The following SCUBE1 variants were observed in gnomAD, a reference collection of about 807,000 sequenced individuals.
SCUBE1 encodes signal peptide, CUB and EGF-like domain-containing protein 1.
A neutral mutation model predicts 124.4 loss-of-function variants in SCUBE1; 59 were observed. That is an observed-to-expected ratio of 0.47 (90% CI 0.38 to 0.59). SCUBE1 has a LOEUF of 0.59. Among genes scored for constraint, SCUBE1 ranks in the 20% least tolerant of loss-of-function variants. The probability of loss-of-function intolerance (pLI) is 0.00; values close to 1 mark genes in which losing one functional copy is unlikely to be tolerated. For missense variants in SCUBE1, 1,150 were observed against 1,371.2 expected (o/e 0.84, Z 2.55); for synonymous variants, 545 against 550.9 (o/e 0.99, Z 0.15).
chr22:43,259,837 T>C (rs1300467425), intron 5 of SCUBE1, among the ~76,000 whole-genome samples: 1 of 152,058 alleles, frequency 6.6e-6, no homozygotes, highest in Admixed American at 6.5e-5. Context: ...ACCTGAAAAA[T>C]GCTTCCAGAA....
chr22:43,238,978 C>G (rs1464355108), intron 6 of SCUBE1, 24 bp from the exon 7 acceptor site: 2 of 1,578,484 alleles, frequency 1.3e-6, no homozygotes, highest in African/African-American at 1.3e-5. Context: ...GAGACAGAGA[C>G]CTCAGTTTCC....
At chr22:43,245,596 C>A (rs555072199) in intron 6 of SCUBE1, among the ~76,000 whole-genome samples, 49 of 152,308 alleles carry the variant, frequency 3.2e-4, no homozygotes, top group Non-Finnish European at 5.7e-4. Flanking sequence ...TCTAAGGCTG[C>A]GGGGCCCCAA....
At chr22:43,264,293 G>C (rs1279733344) in intron 4 of SCUBE1, among the ~76,000 whole-genome samples, 1 of 152,210 alleles carries the variant, frequency 6.6e-6, no homozygotes, top group East Asian at 1.9e-4. Flanking sequence ...AATCTTAGAA[G>C]GGGCAGGATC....
intron 6 of SCUBE1, among the ~76,000 whole-genome samples, chr22:43,241,582 C>T (rs985722605): frequency 6.6e-6 from 1 of 152,130 alleles, no homozygotes. Context: ...GCTCCTCCCC[C>T]AGTGCTCCCT....
intron 15 of SCUBE1, among the ~76,000 whole-genome samples, chr22:43,217,533 G>C (rs556363684): frequency 1.3e-5 from 2 of 152,046 alleles, no homozygotes; most frequent in Non-Finnish European, 2.9e-5. Flanking sequence ...CAGCCTTCCC[G>C]TAAGAGCGCG....
rs143335707 is a variant in SCUBE1, at chr22:43,217,680, G to A, written c.1891+575C>T. On this transcript the variant is annotated intron_variant, in intron 15 of 21. Transcript: ENST00000360835. ...CTGGCCCACTGTCCATCTTCCGCAC[G>A]GGCATGTGAGCTCCACTAGAACTAG... Among the ~76,000 whole-genome samples the A allele has an allele frequency of 3.9e-5, 6 of 152,250 alleles. No individual in the cohort carries two copies. In the East Asian group the frequency reaches 9.7e-4, roughly 25 times the overall value.
At chr22:43,260,035 C>T (rs113997600) in intron 5 of SCUBE1, among the ~76,000 whole-genome samples, 1,704 of 151,866 alleles carry the variant, frequency 0.011, 33 homozygotes, top group East Asian at 0.049. Context: ...AGATCTCAGG[C>T]GATGGGGAGA....
At position 43,325,438 on chromosome 22, in the gene SCUBE1, C is replaced by T. The variant is rs545556276; in HGVS notation, c.221-5373G>A. Among the ~76,000 whole-genome samples the T allele has an allele frequency of 2.4e-4, 26 of 108,650 alleles. No homozygotes were observed. The East Asian group carries it at 6.0e-3, about 25-fold the overall frequency. The allele number at this position is 108,650 out of a possible 152,430, so 71.3% of individuals were successfully genotyped here. On this transcript the variant is annotated intron_variant, in intron 2 of 21. Coordinates refer to ENST00000360835, the MANE Select transcript of SCUBE1 (RefSeq NM_173050.5). ...AGCCTGGGCAACAAGAGCAAAACTC[C>T]GTCTTTAAAAAAAAAAAAAAAAAAA... is the stretch of plus-strand genomic sequence containing the variant.
intron 2 of SCUBE1, among the ~76,000 whole-genome samples, chr22:43,323,263 TACCCAAATA>T (rs996371901): frequency 2.6e-5 from 4 of 152,098 alleles, no homozygotes; most frequent in Admixed American, 2.6e-4. Context: ...CATGCCTATC[TACCCAAATA>T]ACCAGCCAGC....
rs1922450138 is a variant in SCUBE1, at chr22:43,229,160, G to C, written c.996C>G (p.Thr332=). The C allele has an allele frequency of 6.2e-7, 1 of 1,614,032 alleles. No individual in the cohort carries two copies. Among genetic ancestry groups the C allele is most frequent in the African/African-American group, 1.3e-5 (1 of 75,076 alleles). Residue 332 remains threonine (T), a synonymous_variant, in exon 9 of 22, where the codon ACC becomes ACG. Transcript: ENST00000360835. ...QDIDECSFER[T]CDHICINSPG... is the part of the protein sequence containing the mutation. ...GGGAGTTGATGCAGATGTGGTCACA[G>C]GTCCGCTCGAAGGAGCACTCGTCGA...
intron 2 of SCUBE1, among the ~76,000 whole-genome samples, chr22:43,334,958 C>T (rs927410418): frequency 6.6e-6 from 1 of 152,240 alleles, no homozygotes; most frequent in Non-Finnish European, 1.5e-5. Context: ...AAAGTCAATG[C>T]TTTAACTCCT....
intron 2 of SCUBE1, among the ~76,000 whole-genome samples, chr22:43,335,464 A>T (rs1358450948): frequency 6.6e-6 from 1 of 152,204 alleles, no homozygotes; most frequent in Admixed American, 6.5e-5. Flanking sequence ...GCCCATAACC[A>T]AACGATGTCC....
intron 4 of SCUBE1, among the ~76,000 whole-genome samples, chr22:43,290,495 T>C (rs925499958): frequency 3.9e-5 from 6 of 152,264 alleles, no homozygotes; most frequent in Non-Finnish European, 8.8e-5. Flanking sequence ...GTCTGCCACC[T>C]AGTGCTCCAG....
intron 4 of SCUBE1, among the ~76,000 whole-genome samples, chr22:43,273,145 T>G (rs767322160): frequency 5.9e-5 from 9 of 152,184 alleles, no homozygotes; most frequent in Admixed American, 1.3e-4. Flanking sequence ...ACACGCTCAT[T>G]CTCAGTTTGA....
At chr22:43,274,868 G>A (rs1298314496) in intron 4 of SCUBE1, among the ~76,000 whole-genome samples, 2 of 152,234 alleles carry the variant, frequency 1.3e-5, no homozygotes, top group South Asian at 2.1e-4. Context: ...GGGCGGCAGC[G>A]GGTACTTCTC....
intron 7 of SCUBE1, 180 bp from the exon 8 acceptor site, chr22:43,232,055 G>A (rs1922577283): frequency 1.6e-6 from 1 of 642,688 alleles, no homozygotes; most frequent in East Asian, 2.8e-5. Flanking sequence ...TCTCGCAGGG[G>A]TCAGGGTCGG....
At chr22:43,206,687 G>C (rs946109924) in intron 21 of SCUBE1, among the ~76,000 whole-genome samples, 9 of 152,300 alleles carry the variant, frequency 5.9e-5, no homozygotes, top group African/African-American at 1.9e-4. Flanking sequence ...CGTGTGAGGA[G>C]CTGGGAGCTG....
chr22:43,261,746 A>T (rs930198043), intron 5 of SCUBE1, among the ~76,000 whole-genome samples: 1 of 152,240 alleles, frequency 6.6e-6, no homozygotes, highest in African/African-American at 2.4e-5. Context: ...TTTCTGCATT[A>T]GAATGTGGGC....
chr22:43,331,933 A>T (rs908857079), intron 2 of SCUBE1, among the ~76,000 whole-genome samples: 1 of 152,184 alleles, frequency 6.6e-6, no homozygotes, highest in Non-Finnish European at 1.5e-5. Flanking sequence ...GTCCAGAGGT[A>T]GGAACAAGCT....
Sources: gnomAD v4.1 joint callset for allele counts (sites outside exome capture counted in the v4.1 genomes callset) on GRCh38, gnomAD v4.1.1 for gene constraint, MANE v1.5 for transcripts, NCBI Gene and HGNC (gene_info 2026-07-23, HGNC 2026-07-21) for gene names.